Variants in PDK1 observed in about 807,000 individuals in gnomAD.
PDK1 encodes [Pyruvate dehydrogenase (acetyl-transferring)] kinase isozyme 1, mitochondrial.
PDK1 carries 39 observed loss-of-function variants against 54.2 expected under a neutral mutation model. The observed-to-expected ratio is 0.72, with a 90% CI of 0.56 to 0.94. The LOEUF is 0.94. Ranked by LOEUF, PDK1 falls within the 40% of genes least tolerant of loss-of-function variation. PDK1 has a pLI of 0.00. For synonymous variants in PDK1, 221 were observed against 207.1 expected (o/e 1.07, Z -0.58); for missense variants, 552 against 566.0 (o/e 0.98, Z 0.25).
chr2:172,620,432 TG>T, the PDK1 span, among the ~76,000 whole-genome samples: 7 of 152,172 alleles, frequency 4.6e-5, no homozygotes, highest in Non-Finnish European at 5.9e-5. Flanking sequence ...TGAGGGAAGT[TG>T]GACAGAACTG....
chr2:172,563,337 G>C (rs920707078), intron 3 of PDK1, among the ~76,000 whole-genome samples: 1 of 152,174 alleles, frequency 6.6e-6, no homozygotes, highest in African/African-American at 2.4e-5. Context: ...TTTTTGAAGA[G>C]TTTTGTTGTT....
chr2:172,599,265 G>C lies in PDK1; in HGVS notation c.*3296G>C, dbSNP rs1207631950. On this transcript the variant is annotated 3_prime_UTR_variant, in exon 11 of 11. Coordinates refer to ENST00000282077, the MANE Select transcript of PDK1 (RefSeq NM_002610.5). ...ATAAATTCCTATCCTATTTTTAATT[G>C]ATGGGATATAGGCAGCACAATTTCC... 1 of 151,402 alleles carries C rather than the reference G, an allele frequency of 6.6e-6. No homozygotes were observed. The highest frequency in any genetic ancestry group is 2.4e-5 in the African/African-American group (1 of 41,196). 9.4% of individuals were successfully genotyped at this position (151,402 alleles called of 1,614,324 possible). A position where few individuals can be genotyped will look rare whatever the true frequency, so the allele number is the denominator to read the frequency against.
the PDK1 span, among the ~76,000 whole-genome samples, chr2:172,718,252 C>T: frequency 6.6e-6 from 1 of 152,164 alleles, no homozygotes; most frequent in Non-Finnish European, 1.5e-5. Context: ...ATTCCACACT[C>T]ATGGAAGGAA....
At chr2:172,717,998 AAGAG>A in the PDK1 span, among the ~76,000 whole-genome samples, 173 of 152,340 alleles carry the variant, frequency 1.1e-3, 1 homozygote, top group African/African-American at 3.9e-3. Context: ...TACCAGATTG[AAGAG>A]AGGAATGTCC....
the PDK1 span, among the ~76,000 whole-genome samples, chr2:172,629,836 T>C: frequency 6.6e-6 from 1 of 152,212 alleles, no homozygotes; most frequent in Non-Finnish European, 1.5e-5. Flanking sequence ...TCCTGGCCTC[T>C]GTACCCTGTC....
chr2:172,558,681 T>C (rs1017957939), intron 1 of PDK1, 27 bp from the exon 2 acceptor site: 6 of 1,570,262 alleles, frequency 3.8e-6, no homozygotes, highest in South Asian at 1.2e-5. Context: ...TTTTACTTAC[T>C]GCTTTACCCA....
At chr2:172,690,087 T>C in the PDK1 span, among the ~76,000 whole-genome samples, 1 of 150,332 alleles carries the variant, frequency 6.7e-6, no homozygotes, top group African/African-American at 2.4e-5. Flanking sequence ...GAGAAAATTT[T>C]TGCAATCTAC....
the PDK1 span, among the ~76,000 whole-genome samples, chr2:172,662,843 G>T: frequency 6.6e-6 from 1 of 152,038 alleles, no homozygotes; most frequent in Admixed American, 6.6e-5. Flanking sequence ...TTTCTTCAGG[G>T]AATGCCATCC....
At chr2:172,595,569 G>A (rs975389606) in intron 10 of PDK1, among the ~76,000 whole-genome samples, 2 of 152,154 alleles carry the variant, frequency 1.3e-5, no homozygotes, top group African/African-American at 4.8e-5. Context: ...TTTCAGTCCA[G>A]CAGCTTCCAG....
the PDK1 span, among the ~76,000 whole-genome samples, chr2:172,624,571 G>C: frequency 1.3e-5 from 2 of 152,152 alleles, no homozygotes; most frequent in East Asian, 1.9e-4. Context: ...CCAGTCCCTG[G>C]TGCCAAAAAG....
intron 8 of PDK1, among the ~76,000 whole-genome samples, chr2:172,582,334 A>G (rs1298658105): frequency 6.6e-6 from 1 of 152,148 alleles, no homozygotes; most frequent in East Asian, 1.9e-4. Flanking sequence ...GAATACAGGG[A>G]ATGTCCTGGC....
At position 172,605,323 on chromosome 2, in the gene PDK1, T is replaced by G. The variant is rs903979212; in HGVS notation, c.*9354T>G. The stretch of plus-strand genomic sequence containing the variant: ...TCAAGAGCCTCTGAGCTTAAAGATA[T>G]GTGAGTGGAGCTAACTAGACTGTCC... On this transcript the variant is annotated 3_prime_UTR_variant, in exon 11 of 11. Coordinates refer to ENST00000282077, the MANE Select transcript of PDK1 (RefSeq NM_002610.5). The G allele has an allele frequency of 6.6e-6, 1 of 151,618 alleles. No individual in the cohort carries two copies. Among genetic ancestry groups the G allele is most frequent in the East Asian group, 1.9e-4 (1 of 5,160 alleles). 9.4% of individuals were successfully genotyped at this position (151,618 alleles called of 1,614,324 possible).
the PDK1 span, among the ~76,000 whole-genome samples, chr2:172,689,400 A>G: frequency 6.6e-6 from 1 of 152,236 alleles, no homozygotes; most frequent in African/African-American, 2.4e-5. Flanking sequence ...GGAAGACTCA[A>G]TATCGTGAAA....
At chr2:172,592,706 A>G (rs996656047) in intron 9 of PDK1, among the ~76,000 whole-genome samples, 2 of 152,182 alleles carry the variant, frequency 1.3e-5, no homozygotes, top group Non-Finnish European at 2.9e-5. Context: ...GTCATTTTAT[A>G]GAAAGAATAA....
the PDK1 span, among the ~76,000 whole-genome samples, chr2:172,682,158 A>T: frequency 1.3e-5 from 2 of 152,368 alleles, no homozygotes; most frequent in African/African-American, 4.8e-5. Flanking sequence ...TTCTGCCAGT[A>T]TCTGGAAGAA....
the PDK1 span, among the ~76,000 whole-genome samples, chr2:172,720,461 C>G: frequency 1.3e-5 from 2 of 152,124 alleles, no homozygotes; most frequent in Non-Finnish European, 2.9e-5. Context: ...TCAGCCTTTC[C>G]TGTGTTGTAG....
At chr2:172,660,477 G>A in the PDK1 span, among the ~76,000 whole-genome samples, 8 of 151,146 alleles carry the variant, frequency 5.3e-5, no homozygotes, top group Non-Finnish European at 7.4e-5. Flanking sequence ...GGCTGGTCTC[G>A]CACTCCTGAG....
the PDK1 span, among the ~76,000 whole-genome samples, chr2:172,649,587 GA>G: frequency 6.6e-6 from 1 of 151,824 alleles, no homozygotes; most frequent in African/African-American, 2.4e-5. Context: ...TAAAAACCTT[GA>G]AAAAAAACTT....
At chr2:172,576,021 G>A (rs1464475514) in intron 8 of PDK1, among the ~76,000 whole-genome samples, 3 of 151,922 alleles carry the variant, frequency 2.0e-5, no homozygotes, top group Non-Finnish European at 2.9e-5. Context: ...TCCGCCTCCC[G>A]AGTTCACGCC....
Sources: gnomAD v4.1 joint callset for allele counts (sites outside exome capture counted in the v4.1 genomes callset) on GRCh38, gnomAD v4.1.1 for gene constraint, MANE v1.5 for transcripts, NCBI Gene and HGNC (gene_info 2026-07-23, HGNC 2026-07-21) for gene names.